The following CWC27 variants were observed in gnomAD, a reference collection of about 807,000 sequenced individuals.
CWC27 encodes the protein CWC27 spliceosome associated cyclophilin.
CWC27 carries 47 observed loss-of-function variants against 63.6 expected under a neutral mutation model. The observed-to-expected ratio is 0.74, with a 90% CI of 0.58 to 0.94. The LOEUF is 0.94. Among genes scored for constraint, CWC27 ranks in the 40% least tolerant of loss-of-function variants. The probability of loss-of-function intolerance (pLI) is 0.00; values close to 1 mark genes in which losing one functional copy is unlikely to be tolerated. For synonymous variants in CWC27, 175 were observed against 179.8 expected (o/e 0.97, Z 0.22); for missense variants, 495 against 554.3 (o/e 0.89, Z 1.07).
chr5:64,862,573 T>TTAATAATTCCC (rs1438307036), intron 10 of CWC27, among the ~76,000 whole-genome samples: 1 of 152,152 alleles, frequency 6.6e-6, no homozygotes, highest in Non-Finnish European at 1.5e-5. Flanking sequence ...ATGTAATGAA[T>TTAATAATTCCC]TAATAATTCC....
At chr5:64,786,806 A>G (rs569418186) in intron 6 of CWC27, among the ~76,000 whole-genome samples, 179 bp downstream of exon 6, 2 of 152,328 alleles carry the variant, frequency 1.3e-5, no homozygotes, top group Admixed American at 1.3e-4. Flanking sequence ...CTATAAAGAC[A>G]TGCCTGAGAC....
intron 12 of CWC27, among the ~76,000 whole-genome samples, chr5:64,975,807 G>A (rs1053319664): frequency 3.9e-5 from 6 of 152,198 alleles, no homozygotes; most frequent in Non-Finnish European, 8.8e-5. Flanking sequence ...GCTCACACCT[G>A]TAATCCCAAC....
At chr5:64,774,121 T>C (rs1743357670) in intron 1 of CWC27, among the ~76,000 whole-genome samples, 1 of 152,208 alleles carries the variant, frequency 6.6e-6, no homozygotes, top group South Asian at 2.1e-4. Context: ...AATGGGAAAC[T>C]CAATTATAAC....
At chr5:65,003,156 A>G (rs1289762235) in intron 13 of CWC27, among the ~76,000 whole-genome samples, 1 of 151,902 alleles carries the variant, frequency 6.6e-6, no homozygotes, top group Non-Finnish European at 1.5e-5. Flanking sequence ...CCATCCCTTC[A>G]TTTTCAGTCT....
intron 13 of CWC27, among the ~76,000 whole-genome samples, chr5:65,004,252 T>C (rs138541736): frequency 7.0e-4 from 107 of 152,334 alleles, no homozygotes; most frequent in African/African-American, 2.5e-3. Flanking sequence ...GTAAGACTTA[T>C]GAGTTTTTCT....
At chr5:64,830,894 T>C (rs907130524) in intron 10 of CWC27, among the ~76,000 whole-genome samples, 19 of 152,110 alleles carry the variant, frequency 1.2e-4, no homozygotes, top group African/African-American at 3.1e-4. Flanking sequence ...CAGTCTATCA[T>C]TGATGGACAT....
intron 13 of CWC27, among the ~76,000 whole-genome samples, chr5:64,991,323 A>C (rs568575337): frequency 6.6e-6 from 1 of 152,062 alleles, no homozygotes; most frequent in Non-Finnish European, 1.5e-5. Context: ...GTACTCTCCA[A>C]TGTCCCTTCA....
Position 64,986,321 on chromosome 5 carries a change from ACTT to A in CWC27, c.1256+9086_1256+9088del, listed in dbSNP as rs561707152. On this transcript the variant is annotated intron_variant, in intron 13 of 13. Transcript: ENST00000381070. The stretch of plus-strand genomic sequence containing the variant: ...ACATTCCCACCAGCAACAAATAAGA[ACTT>A]CTATTATTTCACATCCTTACCAGTG... Among the ~76,000 whole-genome samples, 463 of 152,172 alleles carry A rather than the reference ACTT, an allele frequency of 3.0e-3. 2 individuals carry two copies. The highest frequency in any genetic ancestry group is 0.011 in the African/African-American group (444 of 41,514).
chr5:64,837,851 A>G (rs1343753391), intron 10 of CWC27, among the ~76,000 whole-genome samples: 1 of 152,086 alleles, frequency 6.6e-6, no homozygotes, highest in African/African-American at 2.4e-5. Context: ...GAAGTTGAAA[A>G]CTTTTCATAG....
At chr5:64,835,676 C>T (rs970974567) in intron 10 of CWC27, among the ~76,000 whole-genome samples, 2 of 151,682 alleles carry the variant, frequency 1.3e-5, no homozygotes, top group African/African-American at 4.8e-5. Flanking sequence ...TTGTGTGGAA[C>T]CTCAGTCTCT....
intron 10 of CWC27, among the ~76,000 whole-genome samples, chr5:64,866,546 T>C (rs1746535747): frequency 6.6e-6 from 1 of 152,094 alleles, no homozygotes; most frequent in Admixed American, 6.6e-5. Context: ...TACTTACAGG[T>C]ATAAATTTCC....
chr5:64,939,932 T>C (rs1362848365), intron 11 of CWC27, among the ~76,000 whole-genome samples: 1 of 152,194 alleles, frequency 6.6e-6, no homozygotes, highest in African/African-American at 2.4e-5. Context: ...GAAAACCGCC[T>C]ACTCAAGCCT....
intron 5 of CWC27, 39 bp downstream of exon 5, chr5:64,785,618 G>T (rs1743856631): frequency 7.8e-7 from 1 of 1,277,318 alleles, no homozygotes; most frequent in African/African-American, 1.5e-5. Flanking sequence ...CACTTACATT[G>T]TCGTTTAAGA....
At chr5:64,992,503 C>T (rs926311639) in intron 13 of CWC27, among the ~76,000 whole-genome samples, 1 of 151,760 alleles carries the variant, frequency 6.6e-6, no homozygotes, top group South Asian at 2.1e-4. Flanking sequence ...GCATATATCA[C>T]CCATTCTCAT....
In CWC27 at chr5:64,774,784, G is replaced by A. The variant is rs1437406150; in HGVS notation, c.136G>A (p.Glu46Lys). The A allele has an allele frequency of 8.2e-7, 1 of 1,223,986 alleles. No homozygotes were observed. Among genetic ancestry groups the A allele is most frequent in the Non-Finnish European group, 1.1e-6 (1 of 906,318 alleles). The allele number at this position is 1,223,986 out of a possible 1,614,324, so 75.8% of individuals were successfully genotyped here. A position where few individuals can be genotyped will look rare whatever the true frequency, so the allele number is the denominator to read the frequency against. The change falls in exon 2 of 14, where the codon GAA becomes AAA. Residue 46 changes from glutamate (E) to lysine (K), a missense_variant. Physicochemically the swap from Glu to Lys is moderately conservative, Grantham distance 56. Coordinates refer to ENST00000381070, the MANE Select transcript of CWC27 (RefSeq NM_005869.4). ...ACRNFIQLCL[E>K]AYYDNTIFHR... is the part of the protein sequence containing the mutation. ...CAGAAATTTTATCCAACTTTGTTTG[G>A]AAGGTATGTTGACTTTTATTCTACT... is the stretch of plus-strand genomic sequence containing the variant.
chr5:64,844,512 C>T (rs1745923263), intron 10 of CWC27, among the ~76,000 whole-genome samples: 1 of 152,194 alleles, frequency 6.6e-6, no homozygotes, highest in Non-Finnish European at 1.5e-5. Context: ...GGGATGCCCA[C>T]TTCCTCCCAT....
chr5:64,993,661 A>C (rs1749581069), intron 13 of CWC27, among the ~76,000 whole-genome samples: 1 of 151,380 alleles, frequency 6.6e-6, no homozygotes, highest in Non-Finnish European at 1.5e-5. Context: ...GAATCTTTTT[A>C]TTTCTTTTTT....
intron 2 of CWC27, among the ~76,000 whole-genome samples, chr5:64,777,676 G>A (rs1743504756): frequency 6.6e-6 from 1 of 151,920 alleles, no homozygotes; most frequent in African/African-American, 2.4e-5. Flanking sequence ...ACATTCAGGA[G>A]GATATTATGA....
At chr5:64,914,174 G>A (rs1381265589) in intron 11 of CWC27, among the ~76,000 whole-genome samples, 1 of 152,104 alleles carries the variant, frequency 6.6e-6, no homozygotes, top group Non-Finnish European at 1.5e-5. Context: ...CAGATAGACT[G>A]TTGATCTACA....
Sources: gnomAD v4.1 joint callset for allele counts (sites outside exome capture counted in the v4.1 genomes callset) on GRCh38, gnomAD v4.1.1 for gene constraint, MANE v1.5 for transcripts, NCBI Gene and HGNC (gene_info 2026-07-23, HGNC 2026-07-21) for gene names.